Variants in MYO3B observed in about 807,000 individuals in gnomAD.
MYO3B encodes the protein myosin-IIIb.
A neutral mutation model predicts 174.6 loss-of-function variants in MYO3B; 156 were observed. The observed-to-expected ratio is 0.89, with a 90% CI of 0.78 to 1.02. The LOEUF (loss-of-function observed/expected upper bound fraction) is 1.02, where lower values mean the gene tolerates loss of function less well. Ranked by LOEUF, MYO3B falls within the 50% of genes least tolerant of loss-of-function variation. The pLI is 0.00. For missense variants in MYO3B, 1,632 were observed against 1,639.4 expected (o/e 1.00, Z 0.08); for synonymous variants, 563 against 569.1 (o/e 0.99, Z 0.15).
chr2:170,517,378 T>C (rs1044685894), intron 29 of MYO3B, among the ~76,000 whole-genome samples: 1 of 152,196 alleles, frequency 6.6e-6, no homozygotes, highest in African/African-American at 2.4e-5. Context: ...GGTAAAGATA[T>C]TGCTTCCTCT....
chr2:170,179,415 C>G (rs796751277), intron 1 of MYO3B, among the ~76,000 whole-genome samples: 6 of 152,240 alleles, frequency 3.9e-5, no homozygotes, highest in African/African-American at 1.4e-4. Flanking sequence ...GTTTGAATGT[C>G]CCCTCCAAAG....
rs11903433 is a variant in MYO3B at position 170,374,741 on chromosome 2, A to G, written c.971+5364A>G. Reference sequence around the variant, plus strand: ...TTCATCCCTATTTCACTCTCTCTATATATATATATGCATACATACACACAC... The same window carrying G: ...TTCATCCCTATTTCACTCTCTCTATGTATATATATGCATACATACACACAC... On this transcript the variant is annotated intron_variant, in intron 9 of 34. Transcript: ENST00000408978. Among the ~76,000 whole-genome samples the G allele has an allele frequency of 2.0e-5, 3 of 147,030 alleles. No homozygotes were observed. The East Asian group carries it at 6.1e-4, about 30-fold the overall frequency.
intron 7 of MYO3B, among the ~76,000 whole-genome samples, chr2:170,321,962 A>C (rs2093830261): frequency 6.6e-6 from 1 of 151,880 alleles, no homozygotes; most frequent in African/African-American, 2.4e-5. Context: ...AAAAATACCA[A>C]AATTAGCTGG....
In MYO3B at chr2:170,374,469, G is replaced by A. The variant is rs139173821; in HGVS notation, c.971+5092G>A. Among the ~76,000 whole-genome samples, 307 of 152,208 alleles carry A rather than the reference G, an allele frequency of 2.0e-3. 2 individuals are homozygous for A. Among genetic ancestry groups the A allele is most frequent in the African/African-American group, 6.8e-3 (281 of 41,530 alleles). On this transcript the variant is annotated intron_variant, in intron 9 of 34. Coordinates refer to ENST00000408978, the MANE Select transcript of MYO3B (RefSeq NM_138995.5). ...GATAGCTGAGCTTGTGGGCAACTTC[G>A]GTGGAATAGAAAGAAATGTTTTTTA...
At position 170,194,726 on chromosome 2, in the gene MYO3B, A is replaced by G. The variant is rs533699471; in HGVS notation, c.3-4482A>G. 2.6e-5 allele frequency among the ~76,000 whole-genome samples: 4 copies of G among 152,226 alleles called. No homozygotes were observed. The East Asian group carries it at 7.7e-4, about 29-fold the overall frequency. On this transcript the variant is annotated intron_variant, in intron 1 of 34. Transcript: ENST00000408978. ...AAAGGGAGCTTATTAAGGAGAATTG[A>G]CTCACATGATGACAAGGTAAAGCCA...
chr2:170,619,228 T>C (rs1695679791), intron 32 of MYO3B, among the ~76,000 whole-genome samples: 2 of 152,118 alleles, frequency 1.3e-5, no homozygotes, highest in African/African-American at 4.8e-5. Context: ...GCTATGAACA[T>C]CTGCCTTTCT....
chr2:170,569,611 C>G (rs1395097420), intron 32 of MYO3B, among the ~76,000 whole-genome samples: 1 of 151,142 alleles, frequency 6.6e-6, no homozygotes, highest in Admixed American at 6.6e-5. Context: ...CCTGTAATCC[C>G]AACACTCTGG....
chr2:170,616,859 A>C (rs1005923053), intron 32 of MYO3B, among the ~76,000 whole-genome samples: 4 of 152,222 alleles, frequency 2.6e-5, no homozygotes, highest in Non-Finnish European at 4.4e-5. Context: ...AAAGCTTTAA[A>C]TTATCTTCAC....
intron 9 of MYO3B, among the ~76,000 whole-genome samples, chr2:170,379,400 G>T (rs2094319401): frequency 6.6e-6 from 1 of 152,040 alleles, no homozygotes; most frequent in African/African-American, 2.4e-5. Context: ...TCACCATGTT[G>T]GCCAGGATGG....
chr2:170,392,935 GAC>G (rs2094422553), intron 16 of MYO3B, among the ~76,000 whole-genome samples: 2 of 151,038 alleles, frequency 1.3e-5, no homozygotes, highest in South Asian at 4.2e-4. Flanking sequence ...ATATGTAGAT[GAC>G]ACCCAAGTCA....
intron 32 of MYO3B, among the ~76,000 whole-genome samples, chr2:170,617,349 AT>A (rs1345470814): frequency 2.0e-5 from 3 of 152,196 alleles, no homozygotes; most frequent in African/African-American, 7.2e-5. Context: ...ATACTATGAT[AT>A]TGATTAAAGG....
chr2:170,186,326 C>T (rs968997490), intron 1 of MYO3B, among the ~76,000 whole-genome samples: 9 of 151,950 alleles, frequency 5.9e-5, no homozygotes, highest in African/African-American at 1.9e-4. Context: ...GGGTTTTTAT[C>T]ATGAAGTGAT....
chr2:170,628,938 T>G (rs1696702087), intron 32 of MYO3B, among the ~76,000 whole-genome samples: 1 of 152,128 alleles, frequency 6.6e-6, no homozygotes, highest in African/African-American at 2.4e-5. Flanking sequence ...AGTGTCATGT[T>G]TATGTAGGCA....
chr2:170,584,806 T>A (rs1054789397), intron 32 of MYO3B, among the ~76,000 whole-genome samples: 5 of 152,238 alleles, frequency 3.3e-5, no homozygotes, highest in African/African-American at 9.6e-5. Flanking sequence ...AATGAGTTAT[T>A]TTTAGGCTGT....
chr2:170,591,239 A>G (rs1363639542), intron 32 of MYO3B, among the ~76,000 whole-genome samples: 1 of 152,200 alleles, frequency 6.6e-6, no homozygotes, highest in Non-Finnish European at 1.5e-5. Flanking sequence ...GAGATTGTAC[A>G]GTATCAATAT....
intron 25 of MYO3B, among the ~76,000 whole-genome samples, chr2:170,494,652 TG>T (rs1208048191): frequency 1.5e-5 from 2 of 132,632 alleles, no homozygotes; most frequent in African/African-American, 5.8e-5. Flanking sequence ...TACTTGAACC[TG>T]GGAGGCAGAG....
chr2:170,521,857 A>T (rs1296489120), intron 30 of MYO3B, among the ~76,000 whole-genome samples: 2 of 151,872 alleles, frequency 1.3e-5, no homozygotes, highest in African/African-American at 4.8e-5. Flanking sequence ...CTGAAATCTG[A>T]TTTGTGTCCC....
At chr2:170,266,589 A>G (rs1390876021) in intron 7 of MYO3B, among the ~76,000 whole-genome samples, 1 of 152,176 alleles carries the variant, frequency 6.6e-6, no homozygotes, top group African/African-American at 2.4e-5. Context: ...TCAAGCAGAG[A>G]AGTACAAGGA....
chr2:170,260,914 G>A (rs2093340712), intron 7 of MYO3B, among the ~76,000 whole-genome samples: 1 of 152,210 alleles, frequency 6.6e-6, no homozygotes, highest in South Asian at 2.1e-4. Context: ...TTGAGATAGT[G>A]AGCATAGACA....
Sources: allele counts gnomAD v4.1 joint callset (sites outside exome capture counted in the v4.1 genomes callset), GRCh38; gene constraint gnomAD v4.1.1; transcripts MANE v1.5; gene names NCBI Gene and HGNC (gene_info 2026-07-23, HGNC 2026-07-21).